The following SMCHD1 variants were observed in gnomAD, a reference collection of about 807,000 sequenced individuals.
SMCHD1 encodes structural maintenance of chromosomes flexible hinge domain-containing protein 1.
Under a neutral mutation model 254.7 loss-of-function variants are expected in SMCHD1, and 78 were observed. That is an observed-to-expected ratio of 0.31 (90% CI 0.26 to 0.37). The LOEUF (loss-of-function observed/expected upper bound fraction) is 0.37. SMCHD1 is among the 10% of genes least tolerant of loss of function. The pLI is 1.00. For missense variants in SMCHD1, 1,840 were observed against 2,408.1 expected (o/e 0.76, Z 4.94); for synonymous variants, 766 against 794.9 (o/e 0.96, Z 0.61).
chr18:2,760,750 T>A lies in SMCHD1; in HGVS notation c.4434+11T>A. 2 of 1,490,090 alleles carry A rather than the reference T, an allele frequency of 1.3e-6. No homozygotes were observed. The highest frequency in any genetic ancestry group is 4.6e-5 in the East Asian group (2 of 43,844). 92.3% of individuals were successfully genotyped at this position (1,490,090 alleles called of 1,614,324 possible). A position where few individuals can be genotyped will look rare whatever the true frequency, so the allele number is the denominator to read the frequency against. On this transcript the variant is annotated intron_variant, in intron 35 of 47. Coordinates refer to ENST00000320876, the MANE Select transcript of SMCHD1 (RefSeq NM_015295.3). ...CTCAACAGTGAACAGGTTTGCTTAC[T>A]TTTTTTATATACCACAGTTAGCTTT...
chr18:2,768,764 G>A (rs1020599980), intron 37 of SMCHD1, among the ~76,000 whole-genome samples: 4 of 148,910 alleles, frequency 2.7e-5, no homozygotes, highest in African/African-American at 9.9e-5. Flanking sequence ...TGATCAAATC[G>A]AGTGCTGAAA....
intron 1 of SMCHD1, among the ~76,000 whole-genome samples, chr18:2,661,992 C>T (rs1418441819): frequency 7.2e-6 from 1 of 138,936 alleles, no homozygotes; most frequent in African/African-American, 3.0e-5. Context: ...CCCGTCTCTA[C>T]TAAAAAAATA....
chr18:2,733,071 A>G (rs572162533), intron 25 of SMCHD1, among the ~76,000 whole-genome samples: 2 of 152,318 alleles, frequency 1.3e-5, no homozygotes, highest in East Asian at 3.9e-4. Context: ...CAGGGAGCCA[A>G]ATCAAAATGT....
chr18:2,671,174 G>A (rs2073588303), intron 3 of SMCHD1, among the ~76,000 whole-genome samples: 1 of 151,732 alleles, frequency 6.6e-6, no homozygotes, highest in Admixed American at 6.6e-5. Context: ...GACTTCAGGC[G>A]ATCTGCCCGT....
chr18:2,802,419 TA>T, intron 47 of SMCHD1, 108 bp from the exon 48 acceptor site: 1 of 777,906 alleles, frequency 1.3e-6, no homozygotes, highest in Non-Finnish European at 2.0e-6. Context: ...GAATTATATT[TA>T]AAAGAATATG....
chr18:2,758,708 C>T (rs2075727337), intron 34 of SMCHD1, among the ~76,000 whole-genome samples: 1 of 152,108 alleles, frequency 6.6e-6, no homozygotes, highest in Non-Finnish European at 1.5e-5. Context: ...TAACCACCAT[C>T]CTTCACTATC....
chr18:2,659,206 C>T (rs1282100426), intron 1 of SMCHD1, among the ~76,000 whole-genome samples: 1 of 152,196 alleles, frequency 6.6e-6, no homozygotes, highest in Non-Finnish European at 1.5e-5. Flanking sequence ...CAACCTCTGC[C>T]ACCCAGGTTC....
chr18:2,692,647 C>A (rs982547544), intron 7 of SMCHD1, among the ~76,000 whole-genome samples: 2 of 152,188 alleles, frequency 1.3e-5, no homozygotes, highest in Non-Finnish European at 1.5e-5. Context: ...CCTAAAACTA[C>A]CTTGTTTCCT....
At chr18:2,696,842 A>T (rs2074295708) in intron 8 of SMCHD1, among the ~76,000 whole-genome samples, 190 bp from the exon 9 acceptor site, 1 of 152,180 alleles carries the variant, frequency 6.6e-6, no homozygotes, top group East Asian at 1.9e-4. Flanking sequence ...CCCAGGTTCT[A>T]TATCTGTAAA....
At chr18:2,796,182 C>A in intron 46 of SMCHD1, 75 bp downstream of exon 46, 1 of 1,277,100 alleles carries the variant, frequency 7.8e-7, no homozygotes, top group Non-Finnish European at 1.1e-6. Context: ...AGAATCCAAC[C>A]GTAAGAAAAA....
At chr18:2,767,227 C>T (rs2075883937) in intron 37 of SMCHD1, among the ~76,000 whole-genome samples, 1 of 149,936 alleles carries the variant, frequency 6.7e-6, no homozygotes, top group African/African-American at 2.4e-5. Context: ...CACTGCATTC[C>T]AGCCTGGGTG....
chr18:2,759,569 C>CTTTTTTTTTTTTTT (rs763885639), intron 34 of SMCHD1, among the ~76,000 whole-genome samples: 1 of 36,980 alleles, frequency 2.7e-5, no homozygotes, highest in African/African-American at 1.2e-4. Flanking sequence ...TTTTAATTCT[C>CTTTTTTTTTTTTTT]TCTTTTTTTT....
At chr18:2,677,442 T>C (rs1257404827) in intron 5 of SMCHD1, among the ~76,000 whole-genome samples, 1 of 152,230 alleles carries the variant, frequency 6.6e-6, no homozygotes, top group Non-Finnish European at 1.5e-5. Context: ...ATTTATCTTT[T>C]ATGGAGATAA....
intron 5 of SMCHD1, among the ~76,000 whole-genome samples, chr18:2,686,568 C>T (rs1009198778): frequency 6.6e-6 from 1 of 151,686 alleles, no homozygotes; most frequent in Non-Finnish European, 1.5e-5. Flanking sequence ...TTTTTTAAAT[C>T]ATCAGTGTGT....
In SMCHD1 at chr18:2,697,141, T is replaced by G; in HGVS notation, c.1131+19T>G. Reference sequence around the variant, plus strand: ...TATTGAAGTAAGAGAAAAATCCATCTTAAAATAATAAAAATTATGAGATAT... The same window carrying G: ...TATTGAAGTAAGAGAAAAATCCATCGTAAAATAATAAAAATTATGAGATAT... On this transcript the variant is annotated intron_variant, in intron 9 of 47. Transcript: ENST00000320876. 1 of 1,204,340 alleles carries G rather than the reference T, an allele frequency of 8.3e-7. No homozygotes were observed. Among genetic ancestry groups the G allele is most frequent in the African/African-American group, 1.6e-5 (1 of 64,496 alleles). 74.6% of individuals were successfully genotyped at this position (1,204,340 alleles called of 1,614,324 possible).
At chr18:2,694,732 A>C in intron 8 of SMCHD1, 39 bp downstream of exon 8, 1 of 1,571,232 alleles carries the variant, frequency 6.4e-7, no homozygotes, top group East Asian at 2.2e-5. Flanking sequence ...GTTGCTACTT[A>C]ACTTTTTTAA....
chr18:2,732,656 A>G (rs2075165406), intron 25 of SMCHD1, among the ~76,000 whole-genome samples, 164 bp downstream of exon 25: 1 of 152,212 alleles, frequency 6.6e-6, no homozygotes, highest in Admixed American at 6.5e-5. Context: ...TTCATGGAAT[A>G]GGTTGAAATG....
At chr18:2,684,707 G>GTGTGTGTGTGTGTGTT (rs2074001645) in intron 5 of SMCHD1, among the ~76,000 whole-genome samples, 1 of 144,360 alleles carries the variant, frequency 6.9e-6, no homozygotes, top group Non-Finnish European at 1.6e-5. Flanking sequence ...TTCAGTGTGT[G>GTGTGTGTGTGTGTGTT]TGTGTGTGTG....
intron 7 of SMCHD1, among the ~76,000 whole-genome samples, chr18:2,693,607 C>T (rs536283015): frequency 3.3e-5 from 5 of 151,186 alleles, no homozygotes; most frequent in East Asian, 1.9e-4. Flanking sequence ...AACGCGCATG[C>T]GTGCATACCA....
Sources: allele counts gnomAD v4.1 joint callset (sites outside exome capture counted in the v4.1 genomes callset), GRCh38; gene constraint gnomAD v4.1.1; transcripts MANE v1.5; gene names NCBI Gene and HGNC (gene_info 2026-07-23, HGNC 2026-07-21).